The following REDIC1 variants were observed in gnomAD, a reference collection of about 807,000 sequenced individuals.
REDIC1 encodes HEI10 Interacting Protein 1.
At chr12:39,824,359 T>C in the REDIC1 span, among the ~76,000 whole-genome samples, 15 of 151,998 alleles carry the variant, frequency 9.9e-5, no homozygotes, top group African/African-American at 3.6e-4. Context: ...CTCTTACAAG[T>C]TGGATAATGG....
chr12:39,649,089 A>G, the REDIC1 span, among the ~76,000 whole-genome samples: 2 of 151,892 alleles, frequency 1.3e-5, no homozygotes, highest in Non-Finnish European at 2.9e-5. Context: ...AGGATAAAAC[A>G]TCTGTGTAAT....
the REDIC1 span, among the ~76,000 whole-genome samples, chr12:39,644,161 T>C: frequency 2.6e-5 from 4 of 151,848 alleles, no homozygotes; most frequent in Non-Finnish European, 1.5e-5. Context: ...ACTAAACTTA[T>C]TATAGTACAG....
chr12:39,809,245 G>A, the REDIC1 span, among the ~76,000 whole-genome samples: 1 of 152,148 alleles, frequency 6.6e-6, no homozygotes, highest in South Asian at 2.1e-4. Flanking sequence ...ATCTATTTCT[G>A]GACTTTATTC....
At chr12:39,695,209 G>T in the REDIC1 span, among the ~76,000 whole-genome samples, 1 of 152,122 alleles carries the variant, frequency 6.6e-6, no homozygotes, top group South Asian at 2.1e-4. Context: ...CTTTTCACTT[G>T]AAAAAAGCAG....
chr12:39,826,989 C>T, the REDIC1 span, among the ~76,000 whole-genome samples: 2 of 142,738 alleles, frequency 1.4e-5, no homozygotes, highest in African/African-American at 5.1e-5. Context: ...TGTGGTTTTA[C>T]CATTACTTTT....
chr12:39,899,924 G>A, the REDIC1 span, among the ~76,000 whole-genome samples: 9 of 151,978 alleles, frequency 5.9e-5, no homozygotes, highest in South Asian at 1.9e-3. Flanking sequence ...TTTGGAATAG[G>A]TGTGGGGTGG....
At chr12:39,863,686 G>C in the REDIC1 span, among the ~76,000 whole-genome samples, 1 of 152,058 alleles carries the variant, frequency 6.6e-6, no homozygotes, top group Admixed American at 6.6e-5. Flanking sequence ...ACAATAAAAA[G>C]ACTATGAAAG....
At chr12:39,707,069 TAA>T in the REDIC1 span, among the ~76,000 whole-genome samples, 171 of 151,720 alleles carry the variant, frequency 1.1e-3, no homozygotes, top group Non-Finnish European at 2.1e-3. Context: ...AAACAATCAA[TAA>T]AGAGACAACC....
At chr12:39,833,125 G>A in the REDIC1 span, among the ~76,000 whole-genome samples, 5 of 151,988 alleles carry the variant, frequency 3.3e-5, no homozygotes, top group African/African-American at 7.2e-5. Context: ...AAAATCTGGC[G>A]TACCACTTAC....
At chr12:39,711,927 CTATA>C in the REDIC1 span, among the ~76,000 whole-genome samples, 1 of 119,630 alleles carries the variant, frequency 8.4e-6, no homozygotes, top group East Asian at 2.6e-4. Context: ...ACATACATGT[CTATA>C]TGTATATAGA....
At chr12:39,758,385 G>A in the REDIC1 span, 2 of 151,942 alleles carry the variant, frequency 1.3e-5, no homozygotes, top group East Asian at 3.8e-4. Context: ...TTGGAGACTG[G>A]AAGAAATATT....
chr12:39,880,376 T>G, the REDIC1 span, among the ~76,000 whole-genome samples: 1 of 152,218 alleles, frequency 6.6e-6, no homozygotes, highest in Non-Finnish European at 1.5e-5. Flanking sequence ...TTTTCAAACA[T>G]ATTTTCATGT....
At chr12:39,655,416 G>T in the REDIC1 span, among the ~76,000 whole-genome samples, 3 of 152,044 alleles carry the variant, frequency 2.0e-5, no homozygotes, top group Admixed American at 2.0e-4. Context: ...GCTTCCTCTT[G>T]TATGCAACAC....
chr12:39,777,598 C>T, the REDIC1 span, among the ~76,000 whole-genome samples: 1 of 152,180 alleles, frequency 6.6e-6, no homozygotes. Flanking sequence ...GCCTGCCACG[C>T]CCCCATCCTG....
At chr12:39,806,033 C>T in the REDIC1 span, among the ~76,000 whole-genome samples, 1 of 152,110 alleles carries the variant, frequency 6.6e-6, no homozygotes, top group Non-Finnish European at 1.5e-5. Context: ...TGATTGCTAC[C>T]AGAAAAAGCT....
chr12:39,760,953 A>C, the REDIC1 span, among the ~76,000 whole-genome samples: 9 of 101,582 alleles, frequency 8.9e-5, no homozygotes, highest in Non-Finnish European at 1.2e-4. Context: ...GTCTCTACCA[A>C]ACACACACAC....
chr12:39,888,471 G>A, the REDIC1 span, among the ~76,000 whole-genome samples: 30 of 152,220 alleles, frequency 2.0e-4, no homozygotes, highest in Admixed American at 6.5e-4. Flanking sequence ...GTAATCCACC[G>A]TCCTCGGCCT....
chr12:39,810,154 C>T, the REDIC1 span, among the ~76,000 whole-genome samples: 2 of 152,156 alleles, frequency 1.3e-5, no homozygotes, highest in Admixed American at 6.6e-5. Context: ...GACATCTTAA[C>T]CATATTAAGT....
the REDIC1 span, among the ~76,000 whole-genome samples, chr12:39,820,053 T>C: frequency 6.6e-6 from 1 of 152,122 alleles, no homozygotes; most frequent in Non-Finnish European, 1.5e-5. Context: ...TTAATATTTA[T>C]GGGTTTGTCC....
Sources: gnomAD v4.1 joint callset for allele counts (sites outside exome capture counted in the v4.1 genomes callset) on GRCh38, gnomAD v4.1.1 for gene constraint, MANE v1.5 for transcripts, NCBI Gene and HGNC (gene_info 2026-07-23, HGNC 2026-07-21) for gene names.